NEU3: variants seen among roughly 807,000 people sequenced by gnomAD.
NEU3 encodes the protein sialidase-3.
Under a neutral mutation model 11.4 loss-of-function variants are expected in NEU3, and 10 were observed. The ratio of observed to expected loss-of-function variants is 0.88; its 90% CI spans 0.54 to 1.49. The LOEUF is 1.49. Ranked by LOEUF, NEU3 falls within the 40% of genes most tolerant of loss-of-function variation. The probability of loss-of-function intolerance (pLI) is 0.00; values close to 1 mark genes in which losing one functional copy is unlikely to be tolerated. For synonymous variants in NEU3, 212 were observed against 228.2 expected (o/e 0.93, Z 0.64); for missense variants, 529 against 581.8 (o/e 0.91, Z 0.93).
intron 2 of NEU3, chr11:75,004,318 C>A: frequency 1.5e-6 from 1 of 676,068 alleles, no homozygotes; most frequent in Non-Finnish European, 2.7e-6. Flanking sequence ...TGGGGTTTTG[C>A]CATGTTGCCC....
chr11:75,005,744 C>CCTA lies in NEU3; in HGVS notation c.643_645dup (p.Tyr215dup), dbSNP rs773855264. ...GGGAGACTGGTCATCCCTGCGTATA[C>CCTA]CTACTACATCCCTTCCTGGTTCTTT... On this transcript the variant is annotated inframe_insertion, in exon 3 of 3. Transcript: ENST00000294064. The CCTA allele has an allele frequency of 4.3e-6, 7 of 1,613,868 alleles. No homozygotes were observed. The African/African-American group carries it at 6.7e-5, about 15-fold the overall frequency.
intron 2 of NEU3, among the ~76,000 whole-genome samples, chr11:75,000,148 A>G (rs1256622349): frequency 6.6e-6 from 1 of 152,204 alleles, no homozygotes; most frequent in East Asian, 1.9e-4. Flanking sequence ...TGGTAGCTAC[A>G]TAGCACAATT....
intron 1 of NEU3, among the ~76,000 whole-genome samples, chr11:74,990,741 T>A (rs1049633781): frequency 6.6e-6 from 1 of 152,178 alleles, no homozygotes; most frequent in African/African-American, 2.4e-5. Flanking sequence ...GAATTCCTGT[T>A]TAGATTTAAC....
Position 74,990,639 on chromosome 11 carries a change from C to T in NEU3, c.94+1485C>T, listed in dbSNP as rs117992240. Among the ~76,000 whole-genome samples, 314 of 152,296 alleles carry T rather than the reference C, an allele frequency of 2.1e-3. 10 individuals are homozygous for T. In the East Asian group the frequency reaches 0.038, roughly 18 times the overall value. On this transcript the variant is annotated intron_variant, in intron 1 of 2. Coordinates refer to ENST00000294064, the MANE Select transcript of NEU3 (RefSeq NM_006656.6). ...CCTCCCAGAGTGGTGGGAATATAGG[C>T]ATGAGCCACCGCACCCAGCCTCTTC...
intron 3 of NEU3, among the ~76,000 whole-genome samples, chr11:75,017,722 C>T (rs1041350486): frequency 2.0e-5 from 3 of 152,110 alleles, no homozygotes; most frequent in African/African-American, 4.8e-5. Context: ...GCTGAGTTCT[C>T]CTCTCTCAGG....
chr11:75,013,656 C>T (rs1457624998), downstream of NEU3, among the ~76,000 whole-genome samples: 1 of 152,208 alleles, frequency 6.6e-6, no homozygotes, highest in East Asian at 1.9e-4. Context: ...TCTCTGTCCT[C>T]TGCCCACCAC....
chr11:75,005,538 C>T lies in NEU3; in HGVS notation c.432C>T (p.Val144=). ...FLFFICVRGH[V]TERQQIVSGR... ...TCTTCATCTGTGTGCGGGGCCATGTCACAGAGCGTCAACAGATTGTGTCAG... is the reference window on the plus strand; with the variant it reads ...TCTTCATCTGTGTGCGGGGCCATGTTACAGAGCGTCAACAGATTGTGTCAG... Residue 144 remains valine (V), a synonymous_variant, in exon 3 of 3, where the codon GTC becomes GTT. Transcript: ENST00000294064. The T allele has an allele frequency of 1.2e-6, 2 of 1,613,986 alleles. No individual in the cohort carries two copies. The highest frequency in any genetic ancestry group is 1.7e-6 in the Non-Finnish European group (2 of 1,179,896).
intron 2 of NEU3, among the ~76,000 whole-genome samples, chr11:75,002,608 G>A (rs1017020959): frequency 4.6e-5 from 7 of 152,138 alleles, no homozygotes; most frequent in African/African-American, 1.7e-4. Flanking sequence ...AAACATAAAT[G>A]TCAAATGCAC....
Position 75,006,855 on chromosome 11 carries a change from A to G in NEU3, c.*363A>G, listed in dbSNP as rs1948905382. Reference sequence around the variant, plus strand: ...CATAGTGCCTGCATGCTTCATGATCAGTAAGTCCTGGCTGCATAAAGGACT... The same window carrying G: ...CATAGTGCCTGCATGCTTCATGATCGGTAAGTCCTGGCTGCATAAAGGACT... On this transcript the variant is annotated 3_prime_UTR_variant, in exon 3 of 3. Transcript: ENST00000294064. 1 of 192,018 alleles carries G rather than the reference A, an allele frequency of 5.2e-6. No individual in the cohort carries two copies. The highest frequency in any genetic ancestry group is 5.4e-5 in the Admixed American group (1 of 18,628). 11.9% of individuals were successfully genotyped at this position (192,018 alleles called of 1,614,324 possible).
chr11:75,014,811 A>G (rs896642124), downstream of NEU3, among the ~76,000 whole-genome samples: 1 of 152,146 alleles, frequency 6.6e-6, no homozygotes, highest in Non-Finnish European at 1.5e-5. Context: ...GGCTGCTGTG[A>G]GCTGTGATTG....
chr11:75,015,046 A>G (rs1948975056), downstream of NEU3, among the ~76,000 whole-genome samples: 1 of 152,114 alleles, frequency 6.6e-6, no homozygotes, highest in African/African-American at 2.4e-5. Flanking sequence ...ATGTGTGCGC[A>G]ATGTGTATGT....
At chr11:75,011,654 G>A (rs1286146999), downstream of NEU3, among the ~76,000 whole-genome samples, 1 of 152,200 alleles carries the variant, frequency 6.6e-6, no homozygotes, top group East Asian at 1.9e-4. Flanking sequence ...GTCCTTCACT[G>A]TTGTGGGAAC....
At chr11:75,017,991 A>T (rs944432712) in intron 3 of NEU3, among the ~76,000 whole-genome samples, 1 of 152,162 alleles carries the variant, frequency 6.6e-6, no homozygotes, top group Non-Finnish European at 1.5e-5. Context: ...TTTGAGCAGA[A>T]GTGACAAGTC....
chr11:75,011,616 G>A (rs566333712), downstream of NEU3, among the ~76,000 whole-genome samples: 4 of 152,284 alleles, frequency 2.6e-5, no homozygotes, highest in East Asian at 3.9e-4. Context: ...GTTGAGAGGC[G>A]GCAAGAGTCC....
At position 75,006,089 on chromosome 11, in the gene NEU3, G is replaced by T; in HGVS notation, c.983G>T (p.Cys328Phe). 1 of 1,613,988 alleles carries T rather than the reference G, an allele frequency of 6.2e-7. No homozygotes were observed. The change falls in exon 3 of 3, where the codon TGC (cysteine) becomes TTC (phenylalanine). Residue 328 changes from cysteine to phenylalanine, a missense_variant. By Grantham distance (205) the Cys-to-Phe change is radical. Coordinates refer to ENST00000294064, the MANE Select transcript of NEU3 (RefSeq NM_006656.6). ...CGGCCCCTGGAGATCCCACATAGGTGCCAGGACTCTAGCAGCAAAGATGCA... is the reference window on the plus strand; with the variant it reads ...CGGCCCCTGGAGATCCCACATAGGTTCCAGGACTCTAGCAGCAAAGATGCA... ...SFRPLEIPHR[C>F]QDSSSKDAPT...
downstream of NEU3, among the ~76,000 whole-genome samples, chr11:75,014,945 A>G (rs2140259309): frequency 6.6e-6 from 1 of 152,348 alleles, no homozygotes; most frequent in South Asian, 2.1e-4. Context: ...TTTTTAGATA[A>G]AAGTTTAAAC....
chr11:75,003,099 A>ATG (rs559076968), intron 2 of NEU3, among the ~76,000 whole-genome samples: 126 of 152,286 alleles, frequency 8.3e-4, no homozygotes, highest in Non-Finnish European at 1.4e-3. Flanking sequence ...CTCATGTGGT[A>ATG]TGTGTATGTT....
chr11:75,006,431 G>A lies in NEU3; in HGVS notation c.1325G>A (p.Ser442Asn), dbSNP rs373139126. The A allele has an allele frequency of 6.8e-6, 11 of 1,613,870 alleles. No homozygotes were observed. Among genetic ancestry groups the A allele is most frequent in the Non-Finnish European group, 9.3e-6 (11 of 1,179,900 alleles). The change falls in exon 3 of 3, where the codon AGT becomes AAT. Residue 442 changes from serine (S) to asparagine (N), a missense_variant. Ser to Asn is a conservative substitution (Grantham distance 46). Transcript: ENST00000294064. ...FRLFTHREIL[S>N]HLQGDCTSPG... ...CTGTTTACACACCGGGAGATCCTGA[G>A]TCACCTGCAGGGGGACTGCACCAGC...
upstream of NEU3, among the ~76,000 whole-genome samples, chr11:74,987,918 T>A (rs1389182317): frequency 7.0e-5 from 7 of 99,948 alleles, no homozygotes; most frequent in East Asian, 3.7e-4. Context: ...TTTTTTTTTT[T>A]AGAAAAATAC....
Sources: allele counts gnomAD v4.1 joint callset (sites outside exome capture counted in the v4.1 genomes callset), GRCh38; gene constraint gnomAD v4.1.1; transcripts MANE v1.5; gene names NCBI Gene and HGNC (gene_info 2026-07-23, HGNC 2026-07-21).